Variants in CRACDL observed in about 807,000 individuals in gnomAD.
The protein encoded by CRACDL is CRACD-like protein.
CRACDL carries 26 observed loss-of-function variants against 70.6 expected under a neutral mutation model. The observed-to-expected ratio is 0.37, with a 90% CI of 0.27 to 0.51. The LOEUF (loss-of-function observed/expected upper bound fraction) is 0.51, where lower values mean the gene tolerates loss of function less well. CRACDL is among the 20% of genes least tolerant of loss of function. The probability of loss-of-function intolerance (pLI) is 0.94; values close to 1 mark genes in which losing one functional copy is unlikely to be tolerated. For missense variants in CRACDL, 1,283 were observed against 1,376.9 expected, an observed-to-expected ratio of 0.93 and a Z score of 1.08; for synonymous variants, 618 against 615.2, an observed-to-expected ratio of 1.00 and a Z score of -0.07.
intron 1 of CRACDL, among the ~76,000 whole-genome samples, chr2:98,870,735 G>A (rs1449933385): frequency 4.6e-5 from 7 of 152,150 alleles, no homozygotes; most frequent in Admixed American, 1.3e-4. Context: ...CATTCGGTGG[G>A]CCGGGTTGAG....
intron 1 of CRACDL, among the ~76,000 whole-genome samples, chr2:98,903,854 A>T (rs1296001395): frequency 2.6e-5 from 4 of 152,256 alleles, no homozygotes; most frequent in Non-Finnish European, 5.9e-5. Context: ...GTCCACGTGC[A>T]TACACATGAG....
At chr2:98,848,000 T>C (rs1481634779) in intron 1 of CRACDL, among the ~76,000 whole-genome samples, 2 of 151,492 alleles carry the variant, frequency 1.3e-5, no homozygotes, top group African/African-American at 4.9e-5. Context: ...CAGCTCTCAA[T>C]GTTCATACAA....
intron 1 of CRACDL, among the ~76,000 whole-genome samples, chr2:98,911,506 A>AG (rs781415119): frequency 5.3e-5 from 8 of 152,208 alleles, no homozygotes; most frequent in Admixed American, 1.3e-4. Context: ...TTCGTGTGCC[A>AG]GGCCCAGTTG....
At chr2:98,841,041 T>A (rs981685492) in intron 2 of CRACDL, among the ~76,000 whole-genome samples, 2 of 152,038 alleles carry the variant, frequency 1.3e-5, no homozygotes, top group African/African-American at 4.8e-5. Context: ...TCTGAAAAAA[T>A]CTGAAATCTG....
intron 1 of CRACDL, among the ~76,000 whole-genome samples, chr2:98,863,358 G>A (rs1397714242): frequency 6.6e-6 from 1 of 152,050 alleles, no homozygotes; most frequent in Non-Finnish European, 1.5e-5. Flanking sequence ...AAAAGCTGAG[G>A]GAGTCTGTTA....
intron 1 of CRACDL, among the ~76,000 whole-genome samples, chr2:98,927,302 A>G (rs1708954936): frequency 6.6e-6 from 1 of 152,164 alleles, no homozygotes; most frequent in African/African-American, 2.4e-5. Flanking sequence ...GGCAGCAGTT[A>G]CCGGCGGGCC....
chr2:98,881,440 T>C (rs1444270076), intron 1 of CRACDL, among the ~76,000 whole-genome samples: 2 of 152,220 alleles, frequency 1.3e-5, no homozygotes, highest in African/African-American at 4.8e-5. Context: ...CAACCCCAGC[T>C]GCACATCAGA....
chr2:98,811,339 G>A (rs1704548600), intron 7 of CRACDL, among the ~76,000 whole-genome samples: 1 of 151,586 alleles, frequency 6.6e-6, no homozygotes, highest in Non-Finnish European at 1.5e-5. Context: ...GTGAAACCCT[G>A]TCTCTCCTAA....
chr2:98,871,085 A>C (rs893557493), intron 1 of CRACDL, among the ~76,000 whole-genome samples: 4 of 152,162 alleles, frequency 2.6e-5, no homozygotes, highest in Non-Finnish European at 5.9e-5. Flanking sequence ...CACACATGTT[A>C]CCTCTCTGCT....
At chr2:98,903,766 C>A (rs1708340231) in intron 1 of CRACDL, among the ~76,000 whole-genome samples, 1 of 152,224 alleles carries the variant, frequency 6.6e-6, no homozygotes, top group African/African-American at 2.4e-5. Flanking sequence ...TCTCAGTAGT[C>A]ATTTTTAAGT....
chr2:98,911,463 G>A (rs1248115154), intron 1 of CRACDL, among the ~76,000 whole-genome samples: 3 of 152,290 alleles, frequency 2.0e-5, no homozygotes, highest in South Asian at 2.1e-4. Context: ...CAAGGTCCCC[G>A]CTCTCAGACT....
intron 6 of CRACDL, among the ~76,000 whole-genome samples, chr2:98,824,664 T>C (rs1705234554): frequency 6.6e-6 from 1 of 152,220 alleles, no homozygotes; most frequent in African/African-American, 2.4e-5. Flanking sequence ...CCTTCCCCTT[T>C]TCTAAAGCAG....
intron 1 of CRACDL, among the ~76,000 whole-genome samples, chr2:98,882,058 T>C (rs1270868866): frequency 6.6e-5 from 10 of 152,310 alleles, no homozygotes; most frequent in South Asian, 4.1e-4. Context: ...CCACGTCCCA[T>C]ACGACAGTCT....
intron 1 of CRACDL, among the ~76,000 whole-genome samples, chr2:98,861,402 TG>T (rs777928040): frequency 2.0e-5 from 3 of 152,138 alleles, no homozygotes; most frequent in Non-Finnish European, 4.4e-5. Context: ...CTCACTAGAA[TG>T]ACTATAATAA....
In CRACDL at chr2:98,794,640, C is replaced by A; in HGVS notation, c.2781G>T (p.Leu927=). The change falls in exon 10 of 10, where the codon CTG becomes CTT. Residue 927 remains leucine (L), a synonymous_variant. Coordinates refer to ENST00000397899, the MANE Select transcript of CRACDL (RefSeq NM_207362.3). Reference sequence around the variant, plus strand: ...CATAACTGGCTCTCTTCAGCTGATGCAGTTCCTTCTCCATCATCACTGCAG... The same window carrying A: ...CATAACTGGCTCTCTTCAGCTGATGAAGTTCCTTCTCCATCATCACTGCAG... The part of the protein sequence containing the change: ...AQSAVMMEKE[L]HQLKRASYAS... 4.3e-6 allele frequency: 7 copies of A among 1,613,640 alleles called. No homozygotes were observed. Among genetic ancestry groups the A allele is most frequent in the Non-Finnish European group, 5.9e-6 (7 of 1,179,596 alleles).
intron 7 of CRACDL, among the ~76,000 whole-genome samples, chr2:98,820,699 C>A (rs1374840581): frequency 6.6e-6 from 1 of 152,228 alleles, no homozygotes; most frequent in Non-Finnish European, 1.5e-5. Flanking sequence ...CTGCTCATTT[C>A]AAAAGACAGC....
At chr2:98,840,545 A>G (rs1394677042) in intron 2 of CRACDL, 1 of 152,106 alleles carries the variant, frequency 6.6e-6, no homozygotes, top group Non-Finnish European at 1.5e-5. Context: ...TTATATCTTT[A>G]CCGATTTTTA....
At chr2:98,854,927 G>A (rs1380793333) in intron 1 of CRACDL, among the ~76,000 whole-genome samples, 1 of 152,160 alleles carries the variant, frequency 6.6e-6, no homozygotes, top group African/African-American at 2.4e-5. Flanking sequence ...TATGGACTGT[G>A]GATTACATAA....
At chr2:98,803,726 C>G (rs751474344) in intron 7 of CRACDL, among the ~76,000 whole-genome samples, 8 of 152,206 alleles carry the variant, frequency 5.3e-5, no homozygotes, top group Non-Finnish European at 8.8e-5. Flanking sequence ...GCTAAGACTT[C>G]GGATCTAAAG....
Sources: gnomAD v4.1 joint callset for allele counts (sites outside exome capture counted in the v4.1 genomes callset) on GRCh38, gnomAD v4.1.1 for gene constraint, MANE v1.5 for transcripts, NCBI Gene and HGNC (gene_info 2026-07-23, HGNC 2026-07-21) for gene names.